The following LZTFL1 variants were observed in gnomAD, a reference collection of about 807,000 sequenced individuals.
The protein encoded by LZTFL1 is leucine zipper transcription factor like 1.
A neutral mutation model predicts 45.9 loss-of-function variants in LZTFL1; 25 were observed. The observed-to-expected ratio is 0.54, with a 90% CI of 0.40 to 0.76. LZTFL1 has a LOEUF of 0.76. Ranked by LOEUF, LZTFL1 falls within the 30% of genes least tolerant of loss-of-function variation. LZTFL1 has a pLI of 0.00. For synonymous variants in LZTFL1, 93 were observed against 117.4 expected (o/e 0.79, Z 1.35); for missense variants, 277 against 331.1 (o/e 0.84, Z 1.27).
intron 2 of LZTFL1, chr3:45,897,706 C>T (rs1301410260): frequency 3.6e-6 from 4 of 1,099,224 alleles, no homozygotes; most frequent in African/African-American, 1.6e-5. Context: ...GAACCAAAGT[C>T]GTCCCTTGTG....
chr3:45,884,389 G>A (rs79006711), intron 2 of LZTFL1, among the ~76,000 whole-genome samples: 132 of 152,100 alleles, frequency 8.7e-4, no homozygotes, highest in Non-Finnish European at 1.3e-4. Context: ...ACTTCCTTGC[G>A]TCTTCCCTTC....
At chr3:45,914,659 G>A (rs1702863286) in intron 1 of LZTFL1, among the ~76,000 whole-genome samples, 1 of 152,158 alleles carries the variant, frequency 6.6e-6, no homozygotes, top group Non-Finnish European at 1.5e-5. Context: ...TTTATTTACT[G>A]ACACCTAATA....
At chr3:45,877,248 T>A (rs904113323) in intron 2 of LZTFL1, among the ~76,000 whole-genome samples, 1 of 151,774 alleles carries the variant, frequency 6.6e-6, no homozygotes, top group African/African-American at 2.4e-5. Flanking sequence ...TTTTTTTTTT[T>A]TGGAGACAGA....
chr3:45,906,100 C>T (rs1429650734), intron 2 of LZTFL1, among the ~76,000 whole-genome samples: 7 of 152,162 alleles, frequency 4.6e-5, no homozygotes, highest in Non-Finnish European at 1.0e-4. Context: ...ATTTTCTCAC[C>T]AGGGGCTGCC....
At chr3:45,904,855 C>T (rs1042160622) in intron 2 of LZTFL1, among the ~76,000 whole-genome samples, 2 of 152,162 alleles carry the variant, frequency 1.3e-5, no homozygotes, top group African/African-American at 2.4e-5. Context: ...AAGTTGGCCT[C>T]ACAAGAACTG....
chr3:45,906,535 G>A (rs1210595810), intron 2 of LZTFL1, among the ~76,000 whole-genome samples: 3 of 152,200 alleles, frequency 2.0e-5, no homozygotes, highest in African/African-American at 4.8e-5. Flanking sequence ...GCACGAGTTT[G>A]GCCAGCACTC....
At chr3:45,864,485 GA>G (rs1186047155) in intron 2 of LZTFL1, among the ~76,000 whole-genome samples, 2 of 152,190 alleles carry the variant, frequency 1.3e-5, no homozygotes, top group African/African-American at 4.8e-5. Flanking sequence ...GAAATATTAT[GA>G]AGTCATTAAC....
intron 2 of LZTFL1, among the ~76,000 whole-genome samples, chr3:45,899,857 T>C (rs1028035173): frequency 6.6e-6 from 1 of 152,208 alleles, no homozygotes; most frequent in Non-Finnish European, 1.5e-5. Flanking sequence ...TCATTTCCTG[T>C]TTCCGTAGCA....
intron 2 of LZTFL1, among the ~76,000 whole-genome samples, chr3:45,899,140 T>C (rs1266096670): frequency 6.6e-6 from 1 of 152,226 alleles, no homozygotes; most frequent in African/African-American, 2.4e-5. Context: ...CACTCCAGCC[T>C]GGGAAGCAAG....
At chr3:45,868,658 G>T (rs552893906) in intron 2 of LZTFL1, among the ~76,000 whole-genome samples, 2 of 152,160 alleles carry the variant, frequency 1.3e-5, no homozygotes, top group Middle Eastern at 3.2e-3. Flanking sequence ...TCAGTGGTAG[G>T]GGGGGTAAAC....
chr3:45,879,847 A>G (rs972084633), intron 2 of LZTFL1, among the ~76,000 whole-genome samples: 1 of 152,218 alleles, frequency 6.6e-6, no homozygotes, highest in Admixed American at 6.5e-5. Flanking sequence ...AAAACCCAAC[A>G]TTATTAACTG....
At chr3:45,840,868 T>G (rs1701090925) in intron 1 of LZTFL1, among the ~76,000 whole-genome samples, 2 of 152,220 alleles carry the variant, frequency 1.3e-5, no homozygotes, top group African/African-American at 4.8e-5. Flanking sequence ...ATAATACCTA[T>G]CAGATACTGA....
At chr3:45,889,404 C>A (rs569816156) in intron 2 of LZTFL1, among the ~76,000 whole-genome samples, 2 of 152,044 alleles carry the variant, frequency 1.3e-5, no homozygotes, top group African/African-American at 4.8e-5. Context: ...GCTCTTTCTG[C>A]GGTAGCTGGA....
chr3:45,891,103 C>CAAAA (rs1237957704), intron 2 of LZTFL1, among the ~76,000 whole-genome samples: 2 of 152,060 alleles, frequency 1.3e-5, no homozygotes, highest in Non-Finnish European at 2.9e-5. Flanking sequence ...ACTTTTGTAA[C>CAAAA]AAAAAAAGTC....
intron 4 of LZTFL1, among the ~76,000 whole-genome samples, chr3:45,849,752 C>T (rs2125700881): frequency 6.6e-6 from 1 of 152,300 alleles, no homozygotes; most frequent in South Asian, 2.1e-4. Flanking sequence ...CTAACATACA[C>T]AGAACTGATA....
At chr3:45,873,652 C>T (rs1701704039) in intron 2 of LZTFL1, among the ~76,000 whole-genome samples, 1 of 152,144 alleles carries the variant, frequency 6.6e-6, no homozygotes, top group Non-Finnish European at 1.5e-5. Context: ...CCTCTCCCCT[C>T]GATAAAGCTC....
Position 45,825,735 on chromosome 3 carries a change from T to G in LZTFL1, c.*579A>C, listed in dbSNP as rs2125673058. The stretch of plus-strand genomic sequence containing the variant: ...GAGGAAGCTAAGTGAATGTTCATGT[T>G]CACTGCTGTAAATTTTCCTTATAAT... On this transcript the variant is annotated 3_prime_UTR_variant, in exon 10 of 10. Transcript: ENST00000296135. 1 of 152,420 alleles carries G rather than the reference T, an allele frequency of 6.6e-6. No individual in the cohort carries two copies. The highest frequency in any genetic ancestry group is 2.1e-4 in the South Asian group (1 of 4,824). The allele number at this position is 152,420 out of a possible 1,614,324, so 9.4% of individuals were successfully genotyped here.
At chr3:45,828,914 A>G (rs1022597072) in intron 7 of LZTFL1, among the ~76,000 whole-genome samples, 3 of 152,220 alleles carry the variant, frequency 2.0e-5, no homozygotes, top group African/African-American at 4.8e-5. Context: ...TGTGTGTACC[A>G]GGGTTGAGAT....
intron 2 of LZTFL1, among the ~76,000 whole-genome samples, chr3:45,876,714 T>C (rs1701753933): frequency 6.6e-6 from 1 of 152,182 alleles, no homozygotes; most frequent in Admixed American, 6.5e-5. Context: ...CGTCACCTAG[T>C]AAAGCACCGT....
Sources: gnomAD v4.1 joint callset for allele counts (sites outside exome capture counted in the v4.1 genomes callset) on GRCh38, gnomAD v4.1.1 for gene constraint, MANE v1.5 for transcripts, NCBI Gene and HGNC (gene_info 2026-07-23, HGNC 2026-07-21) for gene names.